PTPN20: variants seen among roughly 807,000 people sequenced by gnomAD.
The protein encoded by PTPN20 is protein tyrosine phosphatase non-receptor type 20.
In PTPN20, 9 loss-of-function variants were observed where a neutral mutation model predicts 35.0. The observed-to-expected ratio is 0.26, with a 90% confidence interval of 0.15 to 0.45. PTPN20 has a LOEUF of 0.45. Among genes scored for constraint, PTPN20 ranks in the 20% least tolerant of loss-of-function variants. PTPN20 has a pLI of 1.00. For missense variants in PTPN20, 111 were observed against 312.5 expected (o/e 0.36, Z 4.86); for synonymous variants, 32 against 100.2 (o/e 0.32, Z 4.06).
intron 5 of PTPN20, among the ~76,000 whole-genome samples, chr10:46,949,395 G>A (rs1278931266): frequency 1.3e-5 from 2 of 152,196 alleles, no homozygotes; most frequent in Non-Finnish European, 2.9e-5. Context: ...TTTCCCATTT[G>A]TATAGTGCCT....
intron 1 of PTPN20, among the ~76,000 whole-genome samples, chr10:46,926,518 GT>G (rs1282434149): frequency 1.3e-5 from 2 of 151,390 alleles, no homozygotes; most frequent in African/African-American, 2.5e-5. Context: ...ATGCTGTGTA[GT>G]TTTTTCTCTC....
chr10:46,926,876 G>C (rs1310870501), intron 1 of PTPN20, among the ~76,000 whole-genome samples: 3 of 151,324 alleles, frequency 2.0e-5, no homozygotes, highest in African/African-American at 7.4e-5. Flanking sequence ...AAGAGTTTAG[G>C]GTTTTTATCA....
downstream of PTPN20, among the ~76,000 whole-genome samples, chr10:47,003,051 A>G (rs2060132288): frequency 6.6e-6 from 1 of 152,088 alleles, no homozygotes; most frequent in Non-Finnish European, 1.5e-5. Flanking sequence ...GTAATTGAAC[A>G]AGAAGATTCA....
rs1424409870 is a variant in PTPN20, at chr10:46,931,710, A to G, written c.-123-667A>G. Among the ~76,000 whole-genome samples, 7 of 143,676 alleles carry G rather than the reference A, an allele frequency of 4.9e-5. 3 individuals carry two copies. The highest frequency in any genetic ancestry group is 2.0e-4 in the African/African-American group (7 of 34,766). The allele number at this position is 143,676 out of a possible 152,430, so 94.3% of individuals were successfully genotyped here. On this transcript the variant is annotated intron_variant, in intron 1 of 10. Transcript: ENST00000374339. The stretch of plus-strand genomic sequence containing the variant: ...TCTTAAATAATTTTTTAACACCTAT[A>G]TCTCAAAGTTTTTAAAATAAATCTG...
At chr10:46,976,919 T>TA (rs1453984452) in intron 7 of PTPN20, among the ~76,000 whole-genome samples, 3 of 151,308 alleles carry the variant, frequency 2.0e-5, no homozygotes, top group Non-Finnish European at 4.4e-5. Flanking sequence ...TATAAGTTTT[T>TA]AAAAAATTTC....
intron 1 of PTPN20, among the ~76,000 whole-genome samples, chr10:46,929,717 A>C (rs1320540653): frequency 2.0e-5 from 3 of 148,660 alleles, no homozygotes; most frequent in Non-Finnish European, 4.4e-5. Context: ...ATTATAAAAC[A>C]TGGAGCTTAT....
intron 10 of PTPN20, 29 bp from the exon 11 acceptor site, chr10:47,000,647 T>C: frequency 6.2e-7 from 1 of 1,610,478 alleles, no homozygotes; most frequent in Non-Finnish European, 8.5e-7. Context: ...TACTTAACAT[T>C]CTGTTGTTTT....
At chr10:46,930,379 A>G (rs1318849976) in intron 1 of PTPN20, among the ~76,000 whole-genome samples, 1 of 151,260 alleles carries the variant, frequency 6.6e-6, no homozygotes, top group Non-Finnish European at 1.5e-5. Context: ...AAATTACTTG[A>G]TAAAATTCGA....
chr10:46,947,976 T>C, intron 5 of PTPN20: 1 of 453,540 alleles, frequency 2.2e-6, no homozygotes, highest in South Asian at 1.6e-5. Context: ...AGGAGTGGGA[T>C]TGCTGGGTCA....
chr10:46,984,088 C>T, intron 7 of PTPN20, 142 bp from the exon 8 acceptor site: 1 of 681,948 alleles, frequency 1.5e-6, no homozygotes, highest in Non-Finnish European at 2.6e-6. Flanking sequence ...ATGGACTCAA[C>T]CATTTTGAAA....
chr10:46,923,252 C>T (rs1458196736), intron 1 of PTPN20, among the ~76,000 whole-genome samples: 1 of 144,400 alleles, frequency 6.9e-6, no homozygotes, highest in Non-Finnish European at 1.5e-5. Flanking sequence ...GCCCTGCTGA[C>T]ACCTTGATTT....
At chr10:46,997,901 A>C (rs1027982430) in intron 9 of PTPN20, among the ~76,000 whole-genome samples, 1 of 152,174 alleles carries the variant, frequency 6.6e-6, no homozygotes, top group African/African-American at 2.4e-5. Context: ...AAATAGTGAC[A>C]GCACCCCATG....
intron 5 of PTPN20, chr10:46,955,033 A>T (rs2048045627): frequency 6.6e-6 from 1 of 151,412 alleles, no homozygotes; most frequent in Non-Finnish European, 1.5e-5. Flanking sequence ...GATATGATTT[A>T]AAGTATTTGA....
At chr10:46,949,360 A>G (rs2045985617) in intron 5 of PTPN20, among the ~76,000 whole-genome samples, 1 of 152,226 alleles carries the variant, frequency 6.6e-6, no homozygotes, top group Admixed American at 6.5e-5. Context: ...TCAGCAGTGC[A>G]TTACATTTTA....
intron 1 of PTPN20, among the ~76,000 whole-genome samples, chr10:46,918,822 A>G (rs1394569439): frequency 8.2e-6 from 1 of 121,302 alleles, no homozygotes; most frequent in Non-Finnish European, 1.6e-5. Flanking sequence ...CCACTTTAAT[A>G]CTTATTTTGT....
chr10:46,975,821 C>G (rs1204289506), intron 7 of PTPN20, among the ~76,000 whole-genome samples: 2 of 151,588 alleles, frequency 1.3e-5, no homozygotes, highest in Non-Finnish European at 3.0e-5. Flanking sequence ...GCCACCACAC[C>G]TGGCTAATTT....
At chr10:46,975,859 C>A (rs1441262659) in intron 7 of PTPN20, among the ~76,000 whole-genome samples, 2 of 150,998 alleles carry the variant, frequency 1.3e-5, no homozygotes, top group African/African-American at 4.8e-5. Flanking sequence ...TGGGTTTTCT[C>A]CATGTTGGTC....
chr10:46,984,122 T>C (rs1184554768), intron 7 of PTPN20, 108 bp from the exon 8 acceptor site: 3 of 824,072 alleles, frequency 3.6e-6, no homozygotes, highest in African/African-American at 1.7e-5. Context: ...CCATCTTCTC[T>C]ATTGGTCAAA....
chr10:46,941,647 A>G (rs1215529704), intron 3 of PTPN20, among the ~76,000 whole-genome samples: 2 of 149,486 alleles, frequency 1.3e-5, no homozygotes, highest in East Asian at 2.0e-4. Context: ...GACTTCTTCT[A>G]GAACTGAGCA....
Sources: gnomAD v4.1 joint callset for allele counts (sites outside exome capture counted in the v4.1 genomes callset) on GRCh38, gnomAD v4.1.1 for gene constraint, MANE v1.5 for transcripts, NCBI Gene and HGNC (gene_info 2026-07-23, HGNC 2026-07-21) for gene names.